The following LARGE1 variants were observed in gnomAD, a reference collection of about 807,000 sequenced individuals.
The protein encoded by LARGE1 is xylosyl- and glucuronyltransferase LARGE1.
Under a neutral mutation model 87.6 loss-of-function variants are expected in LARGE1, and 43 were observed. The observed-to-expected ratio is 0.49, with a 90% confidence interval of 0.38 to 0.63. The LOEUF (loss-of-function observed/expected upper bound fraction) is 0.63, where lower values mean the gene tolerates loss of function less well. Ranked by LOEUF, LARGE1 falls within the 30% of genes least tolerant of loss-of-function variation. The pLI, the probability that LARGE1 is intolerant of heterozygous loss-of-function variation, is 0.00. For synonymous variants in LARGE1, 434 were observed against 394.6 expected, an observed-to-expected ratio of 1.10 and a Z score of -1.18; for missense variants, 802 against 1,000.2, an observed-to-expected ratio of 0.80 and a Z score of 2.67.
chr22:33,700,507 G>A (rs1048161398), intron 2 of LARGE1, among the ~76,000 whole-genome samples: 1 of 152,138 alleles, frequency 6.6e-6, no homozygotes, highest in Non-Finnish European at 1.5e-5. Flanking sequence ...GGCTGGCGGG[G>A]GTGCCAGAAC....
the LARGE1 span, among the ~76,000 whole-genome samples, chr22:33,080,975 A>ATCCC: frequency 6.6e-6 from 1 of 151,906 alleles, no homozygotes; most frequent in Non-Finnish European, 1.5e-5. Context: ...CCATCCATCC[A>ATCCC]TCCATCCATC....
the LARGE1 span, among the ~76,000 whole-genome samples, chr22:33,095,661 A>G: frequency 6.6e-6 from 1 of 152,198 alleles, no homozygotes; most frequent in African/African-American, 2.4e-5. Flanking sequence ...ATGAAGGAAT[A>G]AATGAAAGAA....
chr22:33,195,866 T>C (rs1449945777), intron 11 of LARGE1, among the ~76,000 whole-genome samples: 1 of 151,016 alleles, frequency 6.6e-6, no homozygotes, highest in Non-Finnish European at 1.5e-5. Flanking sequence ...GCTATTCTCC[T>C]GCCTCAGCCT....
chr22:33,187,232 A>C (rs1030569707), intron 11 of LARGE1, among the ~76,000 whole-genome samples: 4 of 152,256 alleles, frequency 2.6e-5, no homozygotes, highest in East Asian at 3.8e-4. Flanking sequence ...AAGATATGGA[A>C]TCAAACTACG....
At chr22:33,849,592 C>CTTTTTTTTTTTTTTTTTTTTTTTTTT (rs71187287) in intron 1 of LARGE1, among the ~76,000 whole-genome samples, 8 of 88,592 alleles carry the variant, frequency 9.0e-5, no homozygotes, top group Non-Finnish European at 1.6e-4. Flanking sequence ...CTTTTCTTCT[C>CTTTTTTTTTTTTTTTTTTTTTTTTTT]TTTTTTTTTT....
intron 6 of LARGE1, among the ~76,000 whole-genome samples, chr22:33,434,972 T>C (rs1338186406): frequency 6.6e-6 from 1 of 152,176 alleles, no homozygotes; most frequent in Non-Finnish European, 1.5e-5. Context: ...CACTATTTAG[T>C]ACTTCCTACT....
At chr22:33,916,134 A>G (rs2065779829) in intron 1 of LARGE1, among the ~76,000 whole-genome samples, 1 of 152,066 alleles carries the variant, frequency 6.6e-6, no homozygotes, top group African/African-American at 2.4e-5. Context: ...TACAAAAATT[A>G]GCCGGGCGTG....
At chr22:33,669,540 C>T (rs1411097400) in intron 2 of LARGE1, among the ~76,000 whole-genome samples, 4 of 152,172 alleles carry the variant, frequency 2.6e-5, no homozygotes, top group African/African-American at 9.7e-5. Flanking sequence ...ATCCCTCTTC[C>T]TTGATACTCA....
At chr22:33,374,315 T>C (rs1338719728) in intron 9 of LARGE1, among the ~76,000 whole-genome samples, 1 of 152,214 alleles carries the variant, frequency 6.6e-6, no homozygotes, top group African/African-American at 2.4e-5. Context: ...GCTGAAGTTG[T>C]TTCTTACCTT....
At chr22:33,791,349 C>A (rs537277298) in intron 1 of LARGE1, among the ~76,000 whole-genome samples, 4 of 152,106 alleles carry the variant, frequency 2.6e-5, no homozygotes, top group East Asian at 1.9e-4. Context: ...GGCCGTATAC[C>A]CTAGGAGTAA....
intron 1 of LARGE1, among the ~76,000 whole-genome samples, chr22:33,855,794 G>A (rs978806375): frequency 2.6e-5 from 4 of 152,232 alleles, no homozygotes; most frequent in Middle Eastern, 3.4e-3. Flanking sequence ...CCAACCTCAG[G>A]ATACAAAAAT....
intron 11 of LARGE1, among the ~76,000 whole-genome samples, chr22:33,312,369 G>A (rs1412744583): frequency 1.3e-5 from 2 of 151,632 alleles, no homozygotes; most frequent in African/African-American, 4.9e-5. Context: ...GAACCCAGAA[G>A]GGGAAGGCTG....
At chr22:33,450,715 A>G (rs1475146563) in intron 6 of LARGE1, among the ~76,000 whole-genome samples, 1 of 152,220 alleles carries the variant, frequency 6.6e-6, no homozygotes, top group African/African-American at 2.4e-5. Flanking sequence ...TTTTCATCGT[A>G]TAACTGATGA....
chr22:33,243,292 C>T (rs902955342), intron 11 of LARGE1, among the ~76,000 whole-genome samples: 45 of 152,246 alleles, frequency 3.0e-4, no homozygotes, highest in African/African-American at 9.6e-4. Flanking sequence ...CAGTTTGATG[C>T]GTTTTGACAC....
At chr22:33,822,832 C>A (rs1201987307) in intron 1 of LARGE1, among the ~76,000 whole-genome samples, 7 of 152,164 alleles carry the variant, frequency 4.6e-5, no homozygotes, top group Admixed American at 1.3e-4. Flanking sequence ...TCTTCCTCAG[C>A]GCCTGGAAGT....
chr22:33,213,202 G>C (rs1925045467), intron 11 of LARGE1, among the ~76,000 whole-genome samples: 1 of 152,168 alleles, frequency 6.6e-6, no homozygotes, highest in Non-Finnish European at 1.5e-5. Context: ...AGCGTGTGAA[G>C]AGATGGAGTT....
At chr22:33,184,219 C>A (rs1602059582) in intron 11 of LARGE1, among the ~76,000 whole-genome samples, 1 of 150,632 alleles carries the variant, frequency 6.6e-6, no homozygotes, top group East Asian at 1.9e-4. Context: ...GGACACAAGG[C>A]CAAAGATTTT....
chr22:33,877,650 C>T (rs1173745308), intron 1 of LARGE1, among the ~76,000 whole-genome samples: 5 of 152,108 alleles, frequency 3.3e-5, no homozygotes, highest in East Asian at 1.9e-4. Flanking sequence ...AGGCTGGGCA[C>T]GGTGGCTCAC....
At chr22:33,383,835 C>T (rs1002363431) in intron 8 of LARGE1, among the ~76,000 whole-genome samples, 4 of 152,114 alleles carry the variant, frequency 2.6e-5, no homozygotes, top group Non-Finnish European at 5.9e-5. Flanking sequence ...GTGCACTCCA[C>T]CTGGTGATGA....
Sources: gnomAD v4.1 joint callset for allele counts (sites outside exome capture counted in the v4.1 genomes callset) on GRCh38, gnomAD v4.1.1 for gene constraint, MANE v1.5 for transcripts, NCBI Gene and HGNC (gene_info 2026-07-23, HGNC 2026-07-21) for gene names.